Variants in GOLIM4 observed in about 807,000 individuals in gnomAD.
The protein encoded by GOLIM4 is golgi integral membrane protein 4.
GOLIM4 carries 71 observed loss-of-function variants against 107.4 expected under a neutral mutation model. The observed-to-expected ratio is 0.66, with a 90% CI of 0.55 to 0.81. The LOEUF (loss-of-function observed/expected upper bound fraction) is 0.81. Among genes scored for constraint, GOLIM4 ranks in the 30% least tolerant of loss-of-function variants. The probability of loss-of-function intolerance (pLI) is 0.00; values close to 1 mark genes in which losing one functional copy is unlikely to be tolerated. For synonymous variants in GOLIM4, 327 were observed against 294.8 expected (o/e 1.11, Z -1.12); for missense variants, 830 against 826.1 (o/e 1.00, Z -0.06).
chr3:168,058,798 A>T (rs941203032), intron 1 of GOLIM4, among the ~76,000 whole-genome samples: 4 of 152,206 alleles, frequency 2.6e-5, no homozygotes, highest in African/African-American at 9.7e-5. Context: ...GACATGTATA[A>T]GTGTATATAC....
intron 14 of GOLIM4, among the ~76,000 whole-genome samples, chr3:168,022,834 G>T (rs561217709): frequency 6.6e-6 from 1 of 152,160 alleles, no homozygotes; most frequent in Non-Finnish European, 1.5e-5. Context: ...CAGGTAAACC[G>T]AATTAGGACC....
At chr3:168,063,907 T>C (rs1289742288) in intron 1 of GOLIM4, among the ~76,000 whole-genome samples, 1 of 151,974 alleles carries the variant, frequency 6.6e-6, no homozygotes, top group Admixed American at 6.6e-5. Flanking sequence ...AGCGGCATAG[T>C]ATTTATGGGA....
chr3:168,030,562 A>T lies in GOLIM4; in HGVS notation c.1177-526T>A, dbSNP rs1718270957. ...TCCAGGTAATAGTGGAAAAGCAGAT[A>T]TTCAATTTTTTTTCAAAGAAACTAA... On this transcript the variant is annotated intron_variant, in intron 9 of 15. Transcript: ENST00000470487. Among the ~76,000 whole-genome samples the T allele has an allele frequency of 2.0e-5, 3 of 151,198 alleles. No homozygotes were observed. The South Asian group carries it at 6.3e-4, about 32-fold the overall frequency.
At chr3:168,080,481 A>G (rs965410481) in intron 1 of GOLIM4, among the ~76,000 whole-genome samples, 1 of 152,198 alleles carries the variant, frequency 6.6e-6, no homozygotes, top group African/African-American at 2.4e-5. Flanking sequence ...TGGGAGCCAC[A>G]TTTCTACACA....
chr3:168,043,126 C>A (rs1719111236), intron 5 of GOLIM4, among the ~76,000 whole-genome samples: 2 of 152,156 alleles, frequency 1.3e-5, no homozygotes, highest in African/African-American at 4.8e-5. Flanking sequence ...CCCAACAGGG[C>A]CATGTGCCCC....
intron 1 of GOLIM4, among the ~76,000 whole-genome samples, chr3:168,068,576 T>C (rs557276413): frequency 6.6e-6 from 1 of 152,210 alleles, no homozygotes; most frequent in East Asian, 1.9e-4. Flanking sequence ...GGATAGTTTT[T>C]TTTTAATACT....
At chr3:168,055,921 C>T (rs1055109560) in intron 1 of GOLIM4, among the ~76,000 whole-genome samples, 12 of 152,142 alleles carry the variant, frequency 7.9e-5, no homozygotes, top group Non-Finnish European at 1.3e-4. Flanking sequence ...AAAGAAAATC[C>T]CATTTTCTGA....
intron 14 of GOLIM4, among the ~76,000 whole-genome samples, chr3:168,014,475 G>T (rs1358412531): frequency 2.3e-5 from 3 of 128,982 alleles, no homozygotes; most frequent in Admixed American, 1.5e-4. Flanking sequence ...GGAGGAACTG[G>T]TACCATTCCT....
At chr3:168,026,483 G>T (rs973813624) in intron 12 of GOLIM4, among the ~76,000 whole-genome samples, 1 of 152,112 alleles carries the variant, frequency 6.6e-6, no homozygotes, top group African/African-American at 2.4e-5. Context: ...CTAATTAAAA[G>T]GAAGAATGGT....
At chr3:168,050,188 T>A (rs1332674686) in intron 1 of GOLIM4, among the ~76,000 whole-genome samples, 2 of 152,212 alleles carry the variant, frequency 1.3e-5, no homozygotes, top group African/African-American at 4.8e-5. Flanking sequence ...ATCTCTACCA[T>A]GTACCTGGAC....
At chr3:168,036,295 CT>C (rs1269336414) in intron 8 of GOLIM4, among the ~76,000 whole-genome samples, 1 of 152,144 alleles carries the variant, frequency 6.6e-6, no homozygotes, top group African/African-American at 2.4e-5. Flanking sequence ...AATCCCAGCA[CT>C]TTGGGAAGCC....
intron 14 of GOLIM4, among the ~76,000 whole-genome samples, chr3:168,017,050 A>AT (rs1395457282): frequency 6.6e-6 from 1 of 152,132 alleles, no homozygotes; most frequent in Non-Finnish European, 1.5e-5. Flanking sequence ...AATAATAATA[A>AT]AAAAAAGAAA....
chr3:168,065,260 T>A (rs1720491184), intron 1 of GOLIM4, among the ~76,000 whole-genome samples: 1 of 152,224 alleles, frequency 6.6e-6, no homozygotes. Flanking sequence ...CAGCTATACA[T>A]AATTCATTTT....
At chr3:168,020,193 T>C (rs1385322773) in intron 14 of GOLIM4, among the ~76,000 whole-genome samples, 1 of 152,132 alleles carries the variant, frequency 6.6e-6, no homozygotes, top group East Asian at 1.9e-4. Flanking sequence ...AATAATAGCA[T>C]TGGGTGAAAA....
At chr3:168,023,582 G>C (rs903844861) in intron 14 of GOLIM4, among the ~76,000 whole-genome samples, 16 of 152,214 alleles carry the variant, frequency 1.1e-4, no homozygotes, top group Admixed American at 6.5e-5. Context: ...GGGTGTGTCT[G>C]TTCAGTCTGC....
chr3:168,013,418 T>C (rs555188409), intron 14 of GOLIM4, among the ~76,000 whole-genome samples: 142 of 151,888 alleles, frequency 9.3e-4, no homozygotes, highest in African/African-American at 3.1e-3. Flanking sequence ...CAAAGAGACT[T>C]AGACTCCCAC....
intron 1 of GOLIM4, among the ~76,000 whole-genome samples, chr3:168,051,988 A>C (rs922007437): frequency 1.5e-4 from 23 of 152,290 alleles, no homozygotes; most frequent in Admixed American, 3.9e-4. Context: ...TCTAGAAAGA[A>C]GAGGAGGAGA....
chr3:168,079,692 A>C (rs1409610120), intron 1 of GOLIM4, among the ~76,000 whole-genome samples: 1 of 152,176 alleles, frequency 6.6e-6, no homozygotes, highest in African/African-American at 2.4e-5. Context: ...GATAACTAAA[A>C]ATACAAAATT....
chr3:168,037,087 T>C, intron 7 of GOLIM4, 93 bp from the exon 8 acceptor site: 2 of 737,184 alleles, frequency 2.7e-6, no homozygotes, highest in Admixed American at 2.3e-5. Flanking sequence ...ACAAAAATAT[T>C]GTACCTAAAT....
Sources: allele counts gnomAD v4.1 joint callset (sites outside exome capture counted in the v4.1 genomes callset), GRCh38; gene constraint gnomAD v4.1.1; transcripts MANE v1.5; gene names NCBI Gene and HGNC (gene_info 2026-07-23, HGNC 2026-07-21).